Variants in RAB9B observed in about 807,000 individuals in gnomAD.
The protein encoded by RAB9B is ras-related protein Rab-9B.
Under a neutral mutation model 8.9 loss-of-function variants are expected in RAB9B, and 1 was observed. That is an observed-to-expected ratio of 0.11 (90% CI 0.04 to 0.53). The LOEUF (loss-of-function observed/expected upper bound fraction) is 0.53, where lower values mean the gene tolerates loss of function less well. Ranked by LOEUF, RAB9B falls within the 20% of genes least tolerant of loss-of-function variation. The probability of loss-of-function intolerance (pLI) is 0.93; values close to 1 mark genes in which losing one functional copy is unlikely to be tolerated. For synonymous variants in RAB9B, 63 were observed against 57.0 expected (o/e 1.10, Z -0.47); for missense variants, 82 against 152.9 (o/e 0.54, Z 2.45).
the RAB9B span, among the ~76,000 whole-genome samples, chrX:103,802,102 C>T: frequency 1.0e-3 from 109 of 109,490 alleles, no homozygotes; most frequent in African/African-American, 3.5e-3. Context: ...ACGAAGATAC[C>T]AGCATGTTTA....
Position 103,823,469 on chromosome X carries a change from A to AG in RAB9B, c.*1709dup, listed in dbSNP as rs1215199796. 8.9e-6 allele frequency: 1 copy of AG among 112,159 alleles called. No homozygotes were observed. The highest frequency in any genetic ancestry group is 1.9e-5 in the Non-Finnish European group (1 of 53,288). The allele number at this position is 112,159 out of a possible 1,213,427, so 9.2% of individuals were successfully genotyped here. On this transcript the variant is annotated 3_prime_UTR_variant, in exon 3 of 3. Transcript: ENST00000243298. ...AGCACAAAGGTCCTACATGTAAGTA[A>AG]GGCTGATTCCATACGTGGCTACAAT...
At chrX:103,829,337 C>G (rs2074694968) in intron 1 of RAB9B, among the ~76,000 whole-genome samples, 1 of 112,148 alleles carries the variant, frequency 8.9e-6, no homozygotes, top group African/African-American at 3.2e-5. Context: ...GAAAACACTA[C>G]AGTGCCTATT....
At chrX:103,790,523 A>G in the RAB9B span, 1 of 1,197,466 alleles carries the variant, frequency 8.4e-7, no homozygotes, top group Non-Finnish European at 1.1e-6. Context: ...TCTGTTCCCT[A>G]CAGCTCACCT....
the RAB9B span, among the ~76,000 whole-genome samples, chrX:103,780,435 C>CTGTGTGTGTGTGTGTGTG: frequency 1.3e-4 from 9 of 68,349 alleles, no homozygotes; most frequent in South Asian, 5.0e-4. Flanking sequence ...CATTCTGTCT[C>CTGTGTGTGTGTGTGTGTG]TCTCTGTGTG....
At chrX:103,800,184 TTATAC>T in the RAB9B span, among the ~76,000 whole-genome samples, 1 of 111,457 alleles carries the variant, frequency 9.0e-6, no homozygotes, top group Non-Finnish European at 1.9e-5. Flanking sequence ...GTGTCATTCA[TTATAC>T]TATATTTATC....
At chrX:103,778,587 G>T in the RAB9B span, among the ~76,000 whole-genome samples, 1 of 111,356 alleles carries the variant, frequency 9.0e-6, no homozygotes, top group Admixed American at 9.5e-5. Flanking sequence ...CAAATAAAGT[G>T]ACCACAGGGA....
At chrX:103,799,109 T>C in the RAB9B span, among the ~76,000 whole-genome samples, 1 of 109,475 alleles carries the variant, frequency 9.1e-6, no homozygotes, top group East Asian at 2.8e-4. Context: ...ATGAATATAA[T>C]GTCAATATTT....
chrX:103,820,048 C>T (rs1602399044), downstream of RAB9B, among the ~76,000 whole-genome samples: 1 of 111,606 alleles, frequency 9.0e-6, no homozygotes, highest in African/African-American at 3.3e-5. Flanking sequence ...GAAACCCCTT[C>T]CCCCTTCCAC....
the RAB9B span, among the ~76,000 whole-genome samples, chrX:103,813,650 C>G: frequency 9.9e-6 from 1 of 100,831 alleles, no homozygotes; most frequent in South Asian, 4.7e-4. Flanking sequence ...CAAGATCCAT[C>G]AGTGTGCTGT....
chrX:103,780,473 G>A, the RAB9B span, among the ~76,000 whole-genome samples: 8 of 110,211 alleles, frequency 7.3e-5, no homozygotes, highest in Middle Eastern at 4.7e-3. Context: ...GTGTGTGCGC[G>A]TCTGAAGAGG....
At chrX:103,788,978 G>C in the RAB9B span, 5 of 322,697 alleles carry the variant, frequency 1.5e-5, no homozygotes, top group South Asian at 2.1e-4. Context: ...ATACAAATGA[G>C]GCAGGGGAAT....
intron 1 of RAB9B, among the ~76,000 whole-genome samples, chrX:103,830,954 C>T (rs1028537242): frequency 1.8e-5 from 2 of 111,232 alleles, no homozygotes; most frequent in African/African-American, 6.6e-5. Context: ...TGCTCGGAGG[C>T]AAGTCTTGAA....
chrX:103,805,813 A>G, the RAB9B span, among the ~76,000 whole-genome samples: 2 of 107,866 alleles, frequency 1.9e-5, no homozygotes, highest in East Asian at 5.7e-4. Context: ...TTGTAAGTCA[A>G]CTCTTGTCTC....
the RAB9B span, among the ~76,000 whole-genome samples, chrX:103,808,046 G>A: frequency 4.5e-5 from 5 of 111,665 alleles, no homozygotes; most frequent in Non-Finnish European, 9.4e-5. Flanking sequence ...GGGGAGAGAA[G>A]ACTGCATTTC....
In RAB9B at chrX:103,822,449, G is replaced by C. The variant is rs2147783952; in HGVS notation, c.*2730C>G. The C allele has an allele frequency of 9.0e-6, 1 of 111,499 alleles. No homozygotes were observed. The highest frequency in any genetic ancestry group is 3.8e-4 in the South Asian group (1 of 2,658). The allele number at this position is 111,499 out of a possible 1,213,427, so 9.2% of individuals were successfully genotyped here. On this transcript the variant is annotated 3_prime_UTR_variant, in exon 3 of 3. Coordinates refer to ENST00000243298, the MANE Select transcript of RAB9B (RefSeq NM_016370.4). ...GCAGCACCTGCAACAAGAGGATTGT[G>C]GAATACCTCAGAATAAAGTAGAGAT...
At chrX:103,785,821 C>G in the RAB9B span, 1 of 1,044,501 alleles carries the variant, frequency 9.6e-7, no homozygotes, top group Non-Finnish European at 1.3e-6. Flanking sequence ...TCTCTCCATC[C>G]TGGAGATAGA....
the RAB9B span, chrX:103,786,591 C>T: frequency 2.5e-6 from 3 of 1,211,712 alleles, no homozygotes; most frequent in Non-Finnish European, 3.4e-6. Flanking sequence ...ACTACAAGAC[C>T]ACCATCTGCG....
At chrX:103,787,705 G>GT in the RAB9B span, 16 of 767,439 alleles carry the variant, frequency 2.1e-5, no homozygotes, top group Non-Finnish European at 3.0e-5. Flanking sequence ...TGGTTTTAAT[G>GT]TCTGGCACAC....
the RAB9B span, chrX:103,789,306 A>T: frequency 8.9e-6 from 10 of 1,127,151 alleles, no homozygotes; most frequent in Non-Finnish European, 1.2e-5. Context: ...TGCAAGAAAC[A>T]GTTCTTCCTC....
Sources: gnomAD v4.1 joint callset for allele counts (sites outside exome capture counted in the v4.1 genomes callset) on GRCh38, gnomAD v4.1.1 for gene constraint, MANE v1.5 for transcripts, NCBI Gene and HGNC (gene_info 2026-07-23, HGNC 2026-07-21) for gene names.